LMF1: variants seen among roughly 807,000 people sequenced by gnomAD.
The protein encoded by LMF1 is lipase maturation factor 1.
A neutral mutation model predicts 60.6 loss-of-function variants in LMF1; 68 were observed. The observed-to-expected ratio is 1.12, with a 90% CI of 0.92 to 1.37. The LOEUF (loss-of-function observed/expected upper bound fraction) is 1.37, where lower values mean the gene tolerates loss of function less well. Among genes scored for constraint, LMF1 ranks in the 40% most tolerant of loss-of-function variants. The pLI, the probability that LMF1 is intolerant of heterozygous loss-of-function variation, is 0.00. For missense variants in LMF1, 948 were observed against 767.2 expected, an observed-to-expected ratio of 1.24 and a Z score of -2.78; for synonymous variants, 418 against 324.7, an observed-to-expected ratio of 1.29 and a Z score of -3.09.
At chr16:891,956 G>T (rs2070501712) in intron 5 of LMF1, among the ~76,000 whole-genome samples, 1 of 152,350 alleles carries the variant, frequency 6.6e-6, no homozygotes, top group Non-Finnish European at 1.5e-5. Flanking sequence ...CTCGGACAAA[G>T]AGAGGAGCTC....
rs149237700 is a variant in LMF1, at chr16:942,805, T to C, written c.504-8551A>G. Among the ~76,000 whole-genome samples the C allele has an allele frequency of 2.4e-3, 359 of 151,838 alleles. 3 individuals carry two copies. Among genetic ancestry groups the C allele is most frequent in the Non-Finnish European group, 3.0e-3 (203 of 67,920 alleles). Reference sequence around the variant, plus strand: ...ATGTATGTTAGACCACCTGGTGCTATATGCCCCATTCTGTGTGTCCTCTCT... The same window carrying C: ...ATGTATGTTAGACCACCTGGTGCTACATGCCCCATTCTGTGTGTCCTCTCT... On this transcript the variant is annotated intron_variant, in intron 2 of 10. Coordinates refer to ENST00000262301, the MANE Select transcript of LMF1 (RefSeq NM_022773.4).
chr16:955,903 C>T (rs930957482), intron 1 of LMF1, among the ~76,000 whole-genome samples: 1 of 147,444 alleles, frequency 6.8e-6, no homozygotes, highest in Non-Finnish European at 1.5e-5. Flanking sequence ...TTGCCCTCTA[C>T]GCAGACCACA....
chr16:876,390 C>T (rs997225989), intron 6 of LMF1, among the ~76,000 whole-genome samples: 21 of 152,176 alleles, frequency 1.4e-4, no homozygotes, highest in African/African-American at 2.4e-4. Flanking sequence ...GATGGGGACA[C>T]GTGTCGTCGT....
chr16:947,710 G>A (rs1046342894), intron 2 of LMF1: 3 of 395,362 alleles, frequency 7.6e-6, no homozygotes, highest in Non-Finnish European at 1.0e-5. Context: ...GAGCAGCAAA[G>A]CAGCCTGCAG....
chr16:878,403 G>C lies in LMF1; in HGVS notation c.897+1167C>G, dbSNP rs529972481. Among the ~76,000 whole-genome samples the C allele has an allele frequency of 1.3e-5, 2 of 152,268 alleles. No individual in the cohort carries two copies. Among genetic ancestry groups the C allele is most frequent in the Admixed American group, 6.5e-5 (1 of 15,296 alleles). ...GCGGCCAGAGTGAGGGTCCTTGCTGGGGGGAGGGGTCAAGAACAGCACAGC... is the reference window on the plus strand; with the variant it reads ...GCGGCCAGAGTGAGGGTCCTTGCTGCGGGGAGGGGTCAAGAACAGCACAGC... On this transcript the variant is annotated intron_variant, in intron 6 of 10. Coordinates refer to ENST00000262301, the MANE Select transcript of LMF1 (RefSeq NM_022773.4). This position sits in a 1 kb window ranked among gnomAD's most constrained non-coding sequence, Gnocchi z 5.2.
chr16:962,978 G>A lies in LMF1; in HGVS notation c.193+7810C>T, dbSNP rs2072843938. On this transcript the variant is annotated intron_variant, in intron 1 of 10. Coordinates refer to ENST00000262301, the MANE Select transcript of LMF1 (RefSeq NM_022773.4). The surrounding 1 kb of genome is among the most constrained non-coding windows in gnomAD (Gnocchi z 4.5). ...GGGCGACGAAAGGGTCAGGGCTGGT[G>A]ACCTCTAAAGGGGCTGCGACGGCAG... Among the ~76,000 whole-genome samples the A allele has an allele frequency of 6.6e-6, 1 of 152,168 alleles. No homozygotes were observed. The highest frequency in any genetic ancestry group is 1.5e-5 in the Non-Finnish European group (1 of 68,030).
At chr16:866,299 G>T (rs1407622463) in intron 10 of LMF1, among the ~76,000 whole-genome samples, 1 of 152,232 alleles carries the variant, frequency 6.6e-6, no homozygotes, top group Admixed American at 6.5e-5. Flanking sequence ...CCAGGTTGGG[G>T]TAGAACTCCA....
intron 3 of LMF1, among the ~76,000 whole-genome samples, chr16:925,370 G>A (rs1240721058): frequency 6.6e-6 from 1 of 152,188 alleles, no homozygotes; most frequent in African/African-American, 2.4e-5. Context: ...ACAACGTGAT[G>A]GGAGAAATTC....
rs1567316841 is a variant in LMF1 at position 955,103 on chromosome 16, C to CGT, written c.194-438_194-437insAC. Reference sequence around the variant, plus strand: ...GTGCCCGCAGCAGACGCGGTGTGTGCACACACACACACACATCTAAGTAAA... The same window carrying CGT: ...GTGCCCGCAGCAGACGCGGTGTGTGCGTACACACACACACACATCTAAGTAAA... On this transcript the variant is annotated intron_variant, in intron 1 of 10. Coordinates refer to ENST00000262301, the MANE Select transcript of LMF1 (RefSeq NM_022773.4). Among the ~76,000 whole-genome samples, 19 of 102,094 alleles carry CGT rather than the reference C, an allele frequency of 1.9e-4. 2 individuals are homozygous for CGT. The highest frequency in any genetic ancestry group is 4.1e-4 in the Admixed American group (4 of 9,720). The allele number at this position is 102,094 out of a possible 152,430, so 67.0% of individuals were successfully genotyped here.
At chr16:908,354 C>A (rs1366401398) in intron 4 of LMF1, among the ~76,000 whole-genome samples, 2 of 152,164 alleles carry the variant, frequency 1.3e-5, no homozygotes, top group Admixed American at 1.3e-4. Flanking sequence ...TGCAGCTATG[C>A]CCTCCTCCAA....
chr16:948,474 A>G (rs1413917699), intron 2 of LMF1, among the ~76,000 whole-genome samples: 1 of 151,942 alleles, frequency 6.6e-6, no homozygotes, highest in Non-Finnish European at 1.5e-5. Flanking sequence ...AGAGACAATG[A>G]CAGAGTCAGA....
intron 3 of LMF1, among the ~76,000 whole-genome samples, chr16:924,691 A>G (rs909893545): frequency 6.6e-6 from 1 of 152,226 alleles, no homozygotes; most frequent in African/African-American, 2.4e-5. Flanking sequence ...ATTAGCAGAG[A>G]AGAAGAGACA....
rs1269784084 is a variant in LMF1 at position 853,925 on chromosome 16, G to T, written c.*607C>A. The T allele has an allele frequency of 2.2e-6, 1 of 454,064 alleles. No individual in the cohort carries two copies. Among genetic ancestry groups the T allele is most frequent in the East Asian group, 6.9e-5 (1 of 14,402 alleles). The allele number at this position is 454,064 out of a possible 1,614,324, so 28.1% of individuals were successfully genotyped here. A position where few individuals can be genotyped will look rare whatever the true frequency, so the allele number is the denominator to read the frequency against. ...GAACACATGTGTGCACAGGCTGTGT[G>T]TGCCTGCATGTGTGGGATGCGTGTA... On this transcript the variant is annotated 3_prime_UTR_variant, in exon 11 of 11. Transcript: ENST00000262301.
rs536987800 is a variant in LMF1 at position 871,615 on chromosome 16, C to T, written c.898-274G>A. On this transcript the variant is annotated intron_variant, in intron 6 of 10. Coordinates refer to ENST00000262301, the MANE Select transcript of LMF1 (RefSeq NM_022773.4). ...GGTTCTGTCCCTTGCTTTAGTGATC[C>T]GCAAGGCGGGGGCTGGACCAGACCA... 8.5e-4 allele frequency: 385 copies of T among 452,174 alleles called. 3 individuals are homozygous for T. The highest frequency in any genetic ancestry group is 1.3e-3 in the Non-Finnish European group (323 of 251,360). The allele number at this position is 452,174 out of a possible 1,614,324, so 28.0% of individuals were successfully genotyped here.
intron 5 of LMF1, among the ~76,000 whole-genome samples, chr16:888,047 C>G (rs901266376): frequency 6.6e-6 from 1 of 152,242 alleles, no homozygotes; most frequent in Non-Finnish European, 1.5e-5. Context: ...CCGTGCCCGT[C>G]ACGGGGCCTG....
At chr16:898,825 C>T (rs1409819349) in intron 4 of LMF1, 1 of 152,216 alleles carries the variant, frequency 6.6e-6, no homozygotes, top group Non-Finnish European at 1.5e-5. Flanking sequence ...ACTTAGAAAT[C>T]AGACAGAGCA....
intron 9 of LMF1, 72 bp downstream of exon 9, chr16:869,811 A>G: frequency 6.7e-7 from 1 of 1,489,448 alleles, no homozygotes; most frequent in Non-Finnish European, 9.1e-7. Context: ...GCGTTCTAGA[A>G]ACCTGCCATC....
intron 2 of LMF1, among the ~76,000 whole-genome samples, chr16:936,945 G>GCACTCCA (rs2071964239): frequency 1.3e-5 from 2 of 152,134 alleles, no homozygotes; most frequent in South Asian, 4.1e-4. Flanking sequence ...ACTCCAGCCT[G>GCACTCCA]GGCGACAGGG....
chr16:970,560 A>AGCCCAGGC (rs1206085816), intron 1 of LMF1, among the ~76,000 whole-genome samples: 3 of 152,030 alleles, frequency 2.0e-5, no homozygotes, highest in Non-Finnish European at 2.9e-5. Context: ...GGAGCCCAGG[A>AGCCCAGGC]GCCCAGGCCG....
Sources: gnomAD v4.1 joint callset for allele counts (sites outside exome capture counted in the v4.1 genomes callset) on GRCh38, gnomAD v4.1.1 for gene constraint, Gnocchi (gnomAD v3.1) non-coding constraint, MANE v1.5 for transcripts, NCBI Gene and HGNC (gene_info 2026-07-23, HGNC 2026-07-21) for gene names.